The following RILPL1 variants were observed in gnomAD, a reference collection of about 807,000 sequenced individuals.
RILPL1 encodes the protein Rab interacting lysosomal protein like 1.
RILPL1 carries 33 observed loss-of-function variants against 50.3 expected under a neutral mutation model. The ratio of observed to expected loss-of-function variants is 0.66; its 90% confidence interval spans 0.50 to 0.88. The LOEUF (loss-of-function observed/expected upper bound fraction) is 0.88, where lower values mean the gene tolerates loss of function less well. RILPL1 is among the 40% of genes least tolerant of loss of function. RILPL1 has a pLI of 0.00. For missense variants in RILPL1, 418 were observed against 542.5 expected (o/e 0.77, Z 2.28); for synonymous variants, 205 against 228.6 (o/e 0.90, Z 0.93).
intron 6 of RILPL1, among the ~76,000 whole-genome samples, chr12:123,480,612 C>A (rs759757542): frequency 2.6e-5 from 4 of 151,948 alleles, no homozygotes; most frequent in Non-Finnish European, 5.9e-5. Context: ...AAAGCTGTAG[C>A]TATCAAAGCA....
intron 2 of RILPL1, among the ~76,000 whole-genome samples, chr12:123,517,928 T>C (rs1884798801): frequency 6.6e-6 from 1 of 152,008 alleles, no homozygotes; most frequent in Admixed American, 6.6e-5. Flanking sequence ...GGCTACAAAA[T>C]GGATAAACCT....
intron 4 of RILPL1, among the ~76,000 whole-genome samples, chr12:123,492,187 C>T (rs1377359030): frequency 6.7e-6 from 1 of 150,306 alleles, no homozygotes; most frequent in Admixed American, 6.7e-5. Flanking sequence ...GATTGTGCCA[C>T]TGCACCCCGG....
chr12:123,491,568 G>A lies in RILPL1; in HGVS notation c.802-5763C>T, dbSNP rs1190907077. Among the ~76,000 whole-genome samples the A allele has an allele frequency of 2.0e-5, 3 of 152,192 alleles. No individual in the cohort carries two copies. The highest frequency in any genetic ancestry group is 1.9e-4 in the East Asian group (1 of 5,196). Reference sequence around the variant, plus strand: ...AGCCCCTGGCCCAGCAATGGGGAACGACTGTGCTCTGGTCACACTTGGCAC... The same window carrying A: ...AGCCCCTGGCCCAGCAATGGGGAACAACTGTGCTCTGGTCACACTTGGCAC... On this transcript the variant is annotated intron_variant, in intron 4 of 6. Transcript: ENST00000376874. This position sits in a 1 kb window ranked among gnomAD's most constrained non-coding sequence, Gnocchi z 4.0.
chr12:123,475,876 C>A, intron 6 of RILPL1: 1 of 609,604 alleles, frequency 1.6e-6, no homozygotes. Flanking sequence ...ATTGTGTCAC[C>A]TGCCTCTAAA....
At chr12:123,521,617 GTGTATATATATACACACATA>G (rs1470030628) in intron 2 of RILPL1, among the ~76,000 whole-genome samples, 102 of 20,948 alleles carry the variant, frequency 4.9e-3, no homozygotes, top group Admixed American at 0.029. Flanking sequence ...ACACACATAT[GTGTATATATATACACACATA>G]TGTGTATATA....
intron 2 of RILPL1, among the ~76,000 whole-genome samples, chr12:123,505,568 T>C (rs1463477040): frequency 6.6e-6 from 1 of 152,164 alleles, no homozygotes; most frequent in African/African-American, 2.4e-5. Context: ...TCCTCCCACC[T>C]GAGTCCCACC....
chr12:123,525,028 A>C (rs1885200370), intron 1 of RILPL1, among the ~76,000 whole-genome samples: 1 of 152,242 alleles, frequency 6.6e-6, no homozygotes, highest in Non-Finnish European at 1.5e-5. Context: ...GCTACTCGGG[A>C]GGCTGAGGCA....
chr12:123,479,189 G>A (rs536002020), intron 6 of RILPL1, among the ~76,000 whole-genome samples: 2 of 152,216 alleles, frequency 1.3e-5, no homozygotes, highest in South Asian at 4.2e-4. Flanking sequence ...ATGTCAGTGG[G>A]CTTCTCTGGG....
At position 123,515,685 on chromosome 12, in the gene RILPL1, C is replaced by A. The variant is rs547440375; in HGVS notation, c.460+7810G>T. Among the ~76,000 whole-genome samples, 673 of 151,356 alleles carry A rather than the reference C, an allele frequency of 4.4e-3. 2 individuals are homozygous for A. Among genetic ancestry groups the A allele is most frequent in the Admixed American group, 6.9e-3 (106 of 15,254 alleles). On this transcript the variant is annotated intron_variant, in intron 2 of 6. Coordinates refer to ENST00000376874, the MANE Select transcript of RILPL1 (RefSeq NM_178314.5). ...CAGGATGGTCTTTATCTCTTCACCC[C>A]GTGATCCGCCCGCCTCAGCCTCCCA...
At chr12:123,531,314 A>C (rs1000989395) in intron 1 of RILPL1, among the ~76,000 whole-genome samples, 1 of 152,150 alleles carries the variant, frequency 6.6e-6, no homozygotes, top group Non-Finnish European at 1.5e-5. Flanking sequence ...GCAGCTGCTG[A>C]CAATTCCATG....
At chr12:123,505,188 G>A (rs969467168) in intron 2 of RILPL1, among the ~76,000 whole-genome samples, 24 of 152,096 alleles carry the variant, frequency 1.6e-4, no homozygotes, top group South Asian at 8.3e-4. Context: ...CTACAGGCAT[G>A]CGCCTGGCAA....
rs181358127 is a variant in RILPL1 at position 123,515,871 on chromosome 12, C to G, written c.460+7624G>C. 6.4e-3 allele frequency among the ~76,000 whole-genome samples: 975 copies of G among 151,466 alleles called. 13 individuals carry two copies. The highest frequency in any genetic ancestry group is 0.022 in the African/African-American group (922 of 41,376). Reference sequence around the variant, plus strand: ...CCAACATGGAGAAACCCTGTCTCTACTAAAAATACAAAATTAGCCAGGCGT... The same window carrying G: ...CCAACATGGAGAAACCCTGTCTCTAGTAAAAATACAAAATTAGCCAGGCGT... On this transcript the variant is annotated intron_variant, in intron 2 of 6. Coordinates refer to ENST00000376874, the MANE Select transcript of RILPL1 (RefSeq NM_178314.5).
chr12:123,500,728 G>T (rs1438963075), intron 2 of RILPL1, among the ~76,000 whole-genome samples: 1 of 152,148 alleles, frequency 6.6e-6, no homozygotes, highest in Non-Finnish European at 1.5e-5. Flanking sequence ...ATAAAGTAGG[G>T]TGATAACAGT....
intron 1 of RILPL1, among the ~76,000 whole-genome samples, chr12:123,527,238 G>T (rs1001364860): frequency 3.9e-5 from 6 of 152,056 alleles, no homozygotes; most frequent in Non-Finnish European, 8.8e-5. Context: ...GGCTGAGGTG[G>T]GAGGATCACT....
At chr12:123,529,820 G>A (rs970294384) in intron 1 of RILPL1, among the ~76,000 whole-genome samples, 2 of 148,854 alleles carry the variant, frequency 1.3e-5, no homozygotes, top group Admixed American at 6.8e-5. Context: ...GCTGCAGGGA[G>A]CCGTGATGCC....
chr12:123,524,851 G>C (rs1885194948), intron 1 of RILPL1, among the ~76,000 whole-genome samples: 1 of 146,360 alleles, frequency 6.8e-6, no homozygotes, highest in African/African-American at 2.5e-5. Context: ...GATTGATAGT[G>C]GCAGGGCGTG....
At chr12:123,517,007 G>A (rs1655923386) in intron 2 of RILPL1, among the ~76,000 whole-genome samples, 1 of 152,160 alleles carries the variant, frequency 6.6e-6, no homozygotes, top group South Asian at 2.1e-4. Flanking sequence ...GGAGGAGGTT[G>A]CAGTGAGCCA....
chr12:123,499,381 TGGGAGGGTGGACGCA>T, intron 3 of RILPL1, 22 bp downstream of exon 3: 1 of 1,470,072 alleles, frequency 6.8e-7, no homozygotes, highest in South Asian at 1.1e-5. Context: ...ACCTACTGGC[TGGGAGGGTGGACGCA>T]GGTCAGGGGT....
At position 123,533,533 on chromosome 12, in the gene RILPL1, A is replaced by C; in HGVS notation, c.-51T>G. The C allele has an allele frequency of 1.1e-5, 15 of 1,390,424 alleles. No individual in the cohort carries two copies. Among genetic ancestry groups the C allele is most frequent in the Non-Finnish European group, 1.4e-5 (15 of 1,056,278 alleles). 86.1% of individuals were successfully genotyped at this position (1,390,424 alleles called of 1,614,324 possible). ...CCCCGCAAACTCGTGCAACTCCCAAACTTGCCGCTGTCGAGGGCCGGGCCG... is the reference window on the plus strand; with the variant it reads ...CCCCGCAAACTCGTGCAACTCCCAACCTTGCCGCTGTCGAGGGCCGGGCCG... On this transcript the variant is annotated 5_prime_UTR_variant, in exon 1 of 7. Coordinates refer to ENST00000376874, the MANE Select transcript of RILPL1 (RefSeq NM_178314.5). The surrounding 1 kb of genome is among the most constrained non-coding windows in gnomAD (Gnocchi z 6.2).
Sources: gnomAD v4.1 joint callset for allele counts (sites outside exome capture counted in the v4.1 genomes callset) on GRCh38, gnomAD v4.1.1 for gene constraint, Gnocchi (gnomAD v3.1) non-coding constraint, MANE v1.5 for transcripts, NCBI Gene and HGNC (gene_info 2026-07-23, HGNC 2026-07-21) for gene names.